Variants in PYGO2 observed in about 807,000 individuals in gnomAD.
The protein encoded by PYGO2 is pygopus homolog 2.
Under a neutral mutation model 26.7 loss-of-function variants are expected in PYGO2, and 9 were observed. The observed-to-expected ratio is 0.34, with a 90% CI of 0.20 to 0.59. PYGO2 has a LOEUF of 0.59. Ranked by LOEUF, PYGO2 falls within the 20% of genes least tolerant of loss-of-function variation. The pLI is 0.84. For synonymous variants in PYGO2, 236 were observed against 219.0 expected (o/e 1.08, Z -0.68); for missense variants, 538 against 561.5 (o/e 0.96, Z 0.42).
chr1:154,958,991 C>T lies in PYGO2; in HGVS notation c.1009G>A (p.Val337Met). The change falls in exon 3 of 3, where the codon GTG becomes ATG. Residue 337 changes from valine to methionine, a missense_variant. By Grantham distance (21) the Val-to-Met change is conservative. Around this residue, in one of 4 missense-constraint regions of PYGO2, gnomAD observed 72 missense variants for 111.9 expected, o/e 0.64. Transcript: ENST00000368457. ...AGAATGGCATCCTGGTCATCGTTCA[C>T]CTCACTCCGACAGGCACCACATGGG... ...VYPCGACRSE[V>M]NDDQDAILCE... The T allele has an allele frequency of 6.2e-7, 1 of 1,614,012 alleles. No homozygotes were observed. The highest frequency in any genetic ancestry group is 1.1e-5 in the South Asian group (1 of 91,088).
chr1:154,961,070 G>A, intron 1 of PYGO2, 44 bp from the exon 2 acceptor site: 1 of 1,590,360 alleles, frequency 6.3e-7, no homozygotes, highest in Non-Finnish European at 8.6e-7. Context: ...TTTCCCTGAG[G>A]TTTCCCCAAC....
chr1:154,959,562 G>A lies in PYGO2; in HGVS notation c.438C>T (p.Asn146=). 7.5e-6 allele frequency: 11 copies of A among 1,467,034 alleles called. No homozygotes were observed. Among genetic ancestry groups the A allele is most frequent in the South Asian group, 4.4e-5 (3 of 67,880 alleles). 90.9% of individuals were successfully genotyped at this position (1,467,034 alleles called of 1,614,324 possible). A position where few individuals can be genotyped will look rare whatever the true frequency, so the allele number is the denominator to read the frequency against. ...GGTAGCCAGGACCCTGGGGGGGCAT[G>A]TTGAAAGCAGGGCCCATAGGATTGG... is the stretch of plus-strand genomic sequence containing the variant. The part of the protein sequence containing the change: ...FPPNPMGPAF[N]MPPQGPGYPP... Residue 146 remains asparagine, a synonymous_variant, in exon 3 of 3, where the codon AAC becomes AAT. Coordinates refer to ENST00000368457, the MANE Select transcript of PYGO2 (RefSeq NM_138300.4). This position sits in a 1 kb window ranked among gnomAD's most constrained non-coding sequence, Gnocchi z 4.7.
chr1:154,960,414 AAAG>A (rs1655310106), intron 2 of PYGO2, among the ~76,000 whole-genome samples: 2 of 150,852 alleles, frequency 1.3e-5, no homozygotes, highest in Non-Finnish European at 3.0e-5. Flanking sequence ...AAAAAAAAAA[AAAG>A]AAAAGAAAAG....
In PYGO2 at chr1:154,957,996, GGTCT is replaced by G. The variant is rs1445519063; in HGVS notation, c.*779_*782del. 6.5e-6 allele frequency: 1 copy of G among 152,720 alleles called. No homozygotes were observed. Among genetic ancestry groups the G allele is most frequent in the Non-Finnish European group, 1.5e-5 (1 of 68,044 alleles). 9.5% of individuals were successfully genotyped at this position (152,720 alleles called of 1,614,324 possible). On this transcript the variant is annotated 3_prime_UTR_variant, in exon 3 of 3. Transcript: ENST00000368457. The stretch of plus-strand genomic sequence containing the variant: ...GGACAGCCCAAACTTCAAATATTCT[GGTCT>G]GTCAGATAACATATCCCAATTTTTG...
At chr1:154,961,168 A>G in intron 1 of PYGO2, 142 bp from the exon 2 acceptor site, 2 of 745,628 alleles carry the variant, frequency 2.7e-6, no homozygotes, top group South Asian at 1.7e-5. Context: ...CAAGGGGTGC[A>G]ATATGAAAAA....
At chr1:154,961,127 C>T in intron 1 of PYGO2, 101 bp from the exon 2 acceptor site, 2 of 1,030,506 alleles carry the variant, frequency 1.9e-6, no homozygotes, top group Non-Finnish European at 2.9e-6. Context: ...AACGTCAATA[C>T]ATACTTGCTT....
At chr1:154,960,076 A>G (rs1003721065) in intron 2 of PYGO2, among the ~76,000 whole-genome samples, 4 of 151,840 alleles carry the variant, frequency 2.6e-5, no homozygotes, top group African/African-American at 9.7e-5. Context: ...CATCCTGGCT[A>G]ACACGGTGAA....
chr1:154,960,034 G>A (rs1328579915), intron 2 of PYGO2, among the ~76,000 whole-genome samples, 188 bp from the exon 3 acceptor site: 1 of 152,144 alleles, frequency 6.6e-6, no homozygotes, highest in Non-Finnish European at 1.5e-5. Context: ...GGAGGCCAAG[G>A]CGGGCAGATC....
In PYGO2 at chr1:154,958,755, CT is replaced by C; in HGVS notation, c.*23del. On this transcript the variant is annotated 3_prime_UTR_variant, in exon 3 of 3. Transcript: ENST00000368457. ...GGAAGAGCAGGGAGAGACATGTGCA[CT>C]TCCCTGGGCCACTTCACCAGCGTCA... 2 of 1,588,760 alleles carry C rather than the reference CT, an allele frequency of 1.3e-6. No homozygotes were observed. The highest frequency in any genetic ancestry group is 4.5e-5 in the East Asian group (2 of 44,488).
chr1:154,960,007 G>C (rs1209665544), intron 2 of PYGO2, among the ~76,000 whole-genome samples, 161 bp from the exon 3 acceptor site: 20 of 152,166 alleles, frequency 1.3e-4, no homozygotes. Flanking sequence ...GCTCACGCCT[G>C]TAATCCCAGC....
Position 154,958,674 on chromosome 1 carries a change from G to T in PYGO2, c.*105C>A. 2.1e-6 allele frequency: 2 copies of T among 937,728 alleles called. No homozygotes were observed. Among genetic ancestry groups the T allele is most frequent in the Non-Finnish European group, 1.6e-6 (1 of 623,960 alleles). 58.1% of individuals were successfully genotyped at this position (937,728 alleles called of 1,614,324 possible). On this transcript the variant is annotated 3_prime_UTR_variant, in exon 3 of 3. Coordinates refer to ENST00000368457, the MANE Select transcript of PYGO2 (RefSeq NM_138300.4). ...AGGAGCCACTGTTTCTGCCCCATGG[G>T]GATGGAAAGCCAGTGGAAACAAGGA...
At position 154,958,696 on chromosome 1, in the gene PYGO2, A is replaced by G. The variant is rs1571406882; in HGVS notation, c.*83T>C. 1.7e-6 allele frequency: 2 copies of G among 1,187,530 alleles called. No individual in the cohort carries two copies. Among genetic ancestry groups the G allele is most frequent in the East Asian group, 4.9e-5 (2 of 40,682 alleles). 73.6% of individuals were successfully genotyped at this position (1,187,530 alleles called of 1,614,324 possible). On this transcript the variant is annotated 3_prime_UTR_variant, in exon 3 of 3. Transcript: ENST00000368457. The stretch of plus-strand genomic sequence containing the variant: ...TGGGGATGGAAAGCCAGTGGAAACA[A>G]GGACCAAGAGCCAAACATCAAAAAA...
At position 154,959,553 on chromosome 1, in the gene PYGO2, G is replaced by A. The variant is rs752038436; in HGVS notation, c.447C>T (p.Pro149=). Residue 149 remains proline, a synonymous_variant, in exon 3 of 3, where the codon CCC becomes CCT. Coordinates refer to ENST00000368457, the MANE Select transcript of PYGO2 (RefSeq NM_138300.4). The surrounding 1 kb of genome is among the most constrained non-coding windows in gnomAD (Gnocchi z 4.7). ...CTGGGGGTGGGTAGCCAGGACCCTG[G>A]GGGGGCATGTTGAAAGCAGGGCCCA... ...NPMGPAFNMP[P]QGPGYPPPGN... 6.8e-6 allele frequency: 10 copies of A among 1,470,682 alleles called. 1 individual carries two copies. In the South Asian group the frequency reaches 1.3e-4, roughly 19 times the overall value. The allele number at this position is 1,470,682 out of a possible 1,614,324, so 91.1% of individuals were successfully genotyped here. A position where few individuals can be genotyped will look rare whatever the true frequency, so the allele number is the denominator to read the frequency against.
rs1655249743 is a variant in PYGO2, at chr1:154,958,656, ACT to A, written c.*121_*122del. On this transcript the variant is annotated 3_prime_UTR_variant, in exon 3 of 3. Coordinates refer to ENST00000368457, the MANE Select transcript of PYGO2 (RefSeq NM_138300.4). Reference sequence around the variant, plus strand: ...AATTCCTTTTCTGCTCCCAGGAGCCACTGTTTCTGCCCCATGGGGATGGAAAG... The same window carrying A: ...AATTCCTTTTCTGCTCCCAGGAGCCAGTTTCTGCCCCATGGGGATGGAAAG... 1.3e-6 allele frequency: 1 copy of A among 775,924 alleles called. No individual in the cohort carries two copies. The highest frequency in any genetic ancestry group is 2.0e-6 in the Non-Finnish European group (1 of 488,504). The allele number at this position is 775,924 out of a possible 1,614,324, so 48.1% of individuals were successfully genotyped here. A position where few individuals can be genotyped will look rare whatever the true frequency, so the allele number is the denominator to read the frequency against.
At chr1:154,960,158 G>A (rs547706512) in intron 2 of PYGO2, among the ~76,000 whole-genome samples, 8 of 151,832 alleles carry the variant, frequency 5.3e-5, no homozygotes, top group African/African-American at 1.2e-4. Context: ...CCAGCTACTC[G>A]GGAGGCTGAA....
rs1203465913 is a variant in PYGO2 at position 154,960,964 on chromosome 1, A to T, written c.153+13T>A. The T allele has an allele frequency of 2.5e-6, 4 of 1,613,986 alleles. No homozygotes were observed. The highest frequency in any genetic ancestry group is 2.5e-6 in the Non-Finnish European group (3 of 1,179,888). On this transcript the variant is annotated intron_variant, in intron 2 of 2. Transcript: ENST00000368457. ...GCTGCTGGGAACCAAACCCACCACC[A>T]ACCACCATTCACCTGAGTATTTGAC...
Position 154,959,134 on chromosome 1 carries a change from G to A in PYGO2, c.866C>T (p.Pro289Leu). ...SPAAAVNGNQ[P>L]SFPPNSSGRG... Reference sequence around the variant, plus strand: ...CCCACTGCTGTTCGGGGGGAAACTGGGCTGGTTCCCATTAACAGCAGCAGC... The same window carrying A: ...CCCACTGCTGTTCGGGGGGAAACTGAGCTGGTTCCCATTAACAGCAGCAGC... Residue 289 changes from proline to leucine, a missense_variant, in exon 3 of 3, where the codon CCC (proline) becomes CTC (leucine). Pro to Leu is a moderately conservative substitution (Grantham distance 98). Coordinates refer to ENST00000368457, the MANE Select transcript of PYGO2 (RefSeq NM_138300.4). The surrounding 1 kb of genome is among the most constrained non-coding windows in gnomAD (Gnocchi z 4.7). The A allele has an allele frequency of 1.3e-6, 2 of 1,598,716 alleles. No individual in the cohort carries two copies. The highest frequency in any genetic ancestry group is 1.7e-6 in the Non-Finnish European group (2 of 1,171,264).
At chr1:154,961,060 T>C in intron 1 of PYGO2, 34 bp from the exon 2 acceptor site, 2 of 1,605,048 alleles carry the variant, frequency 1.2e-6, no homozygotes, top group Non-Finnish European at 1.7e-6. Flanking sequence ...CGCAGACAAG[T>C]TTCCCTGAGG....
Position 154,958,956 on chromosome 1 carries a change from G to C in PYGO2, c.1044C>G (p.Ala348=), listed in dbSNP as rs376783084. Residue 348 remains alanine (A), a synonymous_variant, in exon 3 of 3, where the codon GCC becomes GCG. Coordinates refer to ENST00000368457, the MANE Select transcript of PYGO2 (RefSeq NM_138300.4). ...CACGGTGGAACCATTTCTGGCAGGA[G>C]GCCTCACACAGAATGGCATCCTGGT... ...NDDQDAILCE[A]SCQKWFHREC... The C allele has an allele frequency of 1.2e-5, 19 of 1,614,036 alleles. No individual in the cohort carries two copies. The highest frequency in any genetic ancestry group is 2.2e-5 in the South Asian group (2 of 91,080).
Sources: allele counts gnomAD v4.1 joint callset (sites outside exome capture counted in the v4.1 genomes callset), GRCh38; gene constraint gnomAD v4.1.1; regional missense constraint gnomAD v4.1.1; non-coding constraint Gnocchi (gnomAD v3.1); transcripts MANE v1.5; gene names NCBI Gene and HGNC (gene_info 2026-07-23, HGNC 2026-07-21).